Variants in FYCO1 observed in about 807,000 individuals in gnomAD.
FYCO1 encodes the protein FYVE and coiled-coil domain autophagy adaptor 1.
FYCO1 carries 122 observed loss-of-function variants against 165.1 expected under a neutral mutation model. The ratio of observed to expected loss-of-function variants is 0.74; its 90% CI spans 0.64 to 0.86. FYCO1 has a LOEUF of 0.86. Among genes scored for constraint, FYCO1 ranks in the 40% least tolerant of loss-of-function variants. FYCO1 has a pLI of 0.00. For synonymous variants in FYCO1, 648 were observed against 742.5 expected (o/e 0.87, Z 2.07); for missense variants, 1,702 against 1,810.3 (o/e 0.94, Z 1.09).
chr3:45,963,610 T>A (rs1372225758), intron 10 of FYCO1, among the ~76,000 whole-genome samples: 1 of 152,226 alleles, frequency 6.6e-6, no homozygotes, highest in African/African-American at 2.4e-5. Flanking sequence ...GTGGCACACA[T>A]GCAATTCGAT....
At chr3:45,965,870 A>C (rs1705979190) in intron 8 of FYCO1, among the ~76,000 whole-genome samples, 1 of 152,208 alleles carries the variant, frequency 6.6e-6, no homozygotes, top group East Asian at 1.9e-4. Flanking sequence ...CCTCCTTTAA[A>C]GTGGGCAGAC....
Position 45,966,228 on chromosome 3 carries a change from G to A in FYCO1, c.3057+49C>T, listed in dbSNP as rs867325768. The A allele has an allele frequency of 5.6e-6, 9 of 1,594,774 alleles. No homozygotes were observed. The Middle Eastern group carries it at 8.6e-4, about 152-fold the overall frequency. ...GTGCATCTTCCCATGGACCCACCAG[G>A]CCTGCCCAGGGAGAGGGGTAGAGCC... is the stretch of plus-strand genomic sequence containing the variant. On this transcript the variant is annotated intron_variant, in intron 8 of 17. Coordinates refer to ENST00000296137, the MANE Select transcript of FYCO1 (RefSeq NM_024513.4).
chr3:45,959,611 T>C (rs1705575655), intron 11 of FYCO1, 69 bp from the exon 12 acceptor site: 2 of 1,508,604 alleles, frequency 1.3e-6, no homozygotes, highest in Non-Finnish European at 9.1e-7. Context: ...TCCTTCTTCA[T>C]TTCAAAAGAC....
intron 14 of FYCO1, chr3:45,946,837 T>C (rs1704645539): frequency 6.2e-7 from 1 of 1,614,102 alleles, no homozygotes; most frequent in African/African-American, 1.3e-5. Context: ...TCCATGCTCA[T>C]CCTCACCTGC....
At chr3:45,928,626 C>G (rs2125794035) in intron 16 of FYCO1, among the ~76,000 whole-genome samples, 1 of 152,264 alleles carries the variant, frequency 6.6e-6, no homozygotes, top group East Asian at 1.9e-4. Context: ...CTGGATGCTT[C>G]TCCTCAAGCC....
chr3:45,980,668 C>CA (rs1187712121), intron 3 of FYCO1, among the ~76,000 whole-genome samples: 1 of 152,196 alleles, frequency 6.6e-6, no homozygotes. Flanking sequence ...AGTGGGCCCG[C>CA]ATACTACGTG....
At chr3:45,974,448 C>G (rs919209070) in intron 5 of FYCO1, among the ~76,000 whole-genome samples, 1 of 152,304 alleles carries the variant, frequency 6.6e-6, no homozygotes, top group South Asian at 2.1e-4. Flanking sequence ...TTTTTCAGCT[C>G]ACATCAATTC....
chr3:45,969,696 G>A lies in FYCO1; in HGVS notation c.609C>T (p.Ser203=). 1 of 1,614,036 alleles carries A rather than the reference G, an allele frequency of 6.2e-7. No homozygotes were observed. The highest frequency in any genetic ancestry group is 1.1e-5 in the South Asian group (1 of 91,076). Residue 203 remains serine, a synonymous_variant, in exon 7 of 18, where the codon AGC becomes AGT. Transcript: ENST00000296137. ...TTACCTGCAGGTAGCTGCTCACCAA[G>A]CTGCTCATGCTGGAGCTGCGGCTAG... ...KPPSRSSSMS[S]LVSSYLQTQE...
chr3:45,976,352 G>C (rs903338498), intron 4 of FYCO1, among the ~76,000 whole-genome samples: 1 of 152,230 alleles, frequency 6.6e-6, no homozygotes, highest in African/African-American at 2.4e-5. Context: ...TGTCAGCTGG[G>C]AGCATATAAT....
rs746622725 is a variant in FYCO1 at position 45,968,195 on chromosome 3, T to C, written c.1139A>G (p.Asp380Gly). 6.2e-7 allele frequency: 1 copy of C among 1,614,060 alleles called. No homozygotes were observed. The highest frequency in any genetic ancestry group is 8.5e-7 in the Non-Finnish European group (1 of 1,180,040). ...GWLAMAQQKA[D>G]TASDTKGRQE... Reference sequence around the variant, plus strand: ...CCGGCCCTTTGTGTCTGATGCCGTATCTGCCTTCTGCTGAGCCATGGCTAG... The same window carrying C: ...CCGGCCCTTTGTGTCTGATGCCGTACCTGCCTTCTGCTGAGCCATGGCTAG... Residue 380 changes from aspartate (D) to glycine (G), a missense_variant, in exon 8 of 18, where the codon GAT (aspartate) becomes GGT (glycine). Physicochemically the swap from Asp to Gly is moderately conservative, Grantham distance 94 (BLOSUM62 -1). Transcript: ENST00000296137.
chr3:45,979,212 C>T lies in FYCO1; in HGVS notation c.288+493G>A, dbSNP rs570034663. On this transcript the variant is annotated intron_variant, in intron 4 of 17. Coordinates refer to ENST00000296137, the MANE Select transcript of FYCO1 (RefSeq NM_024513.4). ...GCCATGGCATTTTGCTCTTGAGGGGCGCAGAATTTAAAGTAGAAAGTTGGC... is the reference window on the plus strand; with the variant it reads ...GCCATGGCATTTTGCTCTTGAGGGGTGCAGAATTTAAAGTAGAAAGTTGGC... Among the ~76,000 whole-genome samples the T allele has an allele frequency of 2.2e-4, 34 of 152,236 alleles. No homozygotes were observed. In the South Asian group the frequency reaches 4.4e-3, roughly 19 times the overall value.
intron 14 of FYCO1, among the ~76,000 whole-genome samples, chr3:45,940,468 T>C (rs765784672): frequency 6.6e-5 from 10 of 152,178 alleles, no homozygotes; most frequent in Admixed American, 5.2e-4. Flanking sequence ...CAAATGAGCA[T>C]GCATACACCT....
At chr3:45,946,819 T>C (rs1015435859) in intron 14 of FYCO1, 6 of 1,614,194 alleles carry the variant, frequency 3.7e-6, no homozygotes, top group African/African-American at 1.3e-5. Context: ...ACTATTAACT[T>C]CTACACGTCC....
chr3:45,975,360 T>C lies in FYCO1; in HGVS notation c.289-15A>G. The C allele has an allele frequency of 6.3e-7, 1 of 1,588,244 alleles. No homozygotes were observed. The highest frequency in any genetic ancestry group is 8.6e-7 in the Non-Finnish European group (1 of 1,156,486). ...GATGTTCGGAGCTGGAAAAAGCAGA[T>C]TACATAGAGCCAAAGAGCTGTCAGC... is the stretch of plus-strand genomic sequence containing the variant. On this transcript the variant is annotated splice_polypyrimidine_tract_variant and intron_variant, in intron 4 of 17. Coordinates refer to ENST00000296137, the MANE Select transcript of FYCO1 (RefSeq NM_024513.4).
In FYCO1 at chr3:45,964,367, C is replaced by T; in HGVS notation, c.3238G>A (p.Glu1080Lys). ...CQAAMLRKDK[E>K]GAALREDLER... is the part of the protein sequence containing the mutation. ...AGGTCTTCACGCAGGGCAGCCCCCT[C>T]CTTGTCCTTCCTCAGCATGGCCGCC... The change falls in exon 10 of 18, where the codon GAG (glutamate) becomes AAG (lysine). Residue 1080 changes from glutamate (E) to lysine (K), a missense_variant. Transcript: ENST00000296137. The surrounding 1 kb of genome is among the most constrained non-coding windows in gnomAD (Gnocchi z 4.1). The T allele has an allele frequency of 4.3e-6, 7 of 1,614,170 alleles. No individual in the cohort carries two copies. The highest frequency in any genetic ancestry group is 5.1e-6 in the Non-Finnish European group (6 of 1,179,994).
At position 45,959,507 on chromosome 3, in the gene FYCO1, A is replaced by AG. The variant is rs1705570070; in HGVS notation, c.3472dup (p.Leu1158ProfsTer10). 2 of 1,614,020 alleles carry AG rather than the reference A, an allele frequency of 1.2e-6. No homozygotes were observed. Among genetic ancestry groups the AG allele is most frequent in the Non-Finnish European group, 8.5e-7 (1 of 1,180,034 alleles). ...AGCACTGAGCTTCTGCTGGAATTCC[A>AG]GGGCATCTGACTTCTGCCAGAGAGC... On this transcript the variant is annotated frameshift_variant, in exon 12 of 18. Transcript: ENST00000296137. LOFTEE classifies it high-confidence loss of function.
Position 45,973,216 on chromosome 3 carries a change from T to G in FYCO1, c.411A>C (p.Ala137=), listed in dbSNP as rs1325038540. The G allele has an allele frequency of 6.2e-7, 1 of 1,614,188 alleles. No individual in the cohort carries two copies. Among genetic ancestry groups the G allele is most frequent in the Non-Finnish European group, 8.5e-7 (1 of 1,180,016 alleles). ...NTKVTSDWYY[A]RSPFLQPKLS... is the part of the protein sequence containing the mutation. The stretch of plus-strand genomic sequence containing the variant: ...GCTTTGGCTGCAGAAAGGGGCTTCT[T>G]GCATAGTACCAGTCACTGCAGAAAA... Residue 137 remains alanine (A), a synonymous_variant, in exon 6 of 18, where the codon GCA becomes GCC. Coordinates refer to ENST00000296137, the MANE Select transcript of FYCO1 (RefSeq NM_024513.4).
chr3:45,993,539 A>T lies in FYCO1; in HGVS notation c.-113+2183T>A, dbSNP rs1707655832. The stretch of plus-strand genomic sequence containing the variant: ...GCTCTTATACCAATAAAGACTTCTT[A>T]TTTTCTTGAAACTGGCATTGAGCTC... On this transcript the variant is annotated intron_variant, in intron 1 of 17. Transcript: ENST00000296137. The surrounding 1 kb of genome is among the most constrained non-coding windows in gnomAD (Gnocchi z 4.4). Among the ~76,000 whole-genome samples, 1 of 152,162 alleles carries T rather than the reference A, an allele frequency of 6.6e-6. No homozygotes were observed. Among genetic ancestry groups the T allele is most frequent in the Admixed American group, 6.5e-5 (1 of 15,284 alleles).
At position 45,967,184 on chromosome 3, in the gene FYCO1, T is replaced by TCCACCTCCTCCC. The variant is rs1485807443; in HGVS notation, c.2138_2149dup (p.Val716_Glu717insGlyGluGluVal). The TCCACCTCCTCCC allele has an allele frequency of 6.2e-7, 1 of 1,613,806 alleles. No individual in the cohort carries two copies. Among genetic ancestry groups the TCCACCTCCTCCC allele is most frequent in the East Asian group, 2.2e-5 (1 of 44,860 alleles). Reference sequence around the variant, plus strand: ...GGCTTCTGCCAGTTGCTGGCACTGCTCCACCTCCTCCCGCAGCTGCTGACA... The same window carrying TCCACCTCCTCCC: ...GGCTTCTGCCAGTTGCTGGCACTGCTCCACCTCCTCCCCCACCTCCTCCCGCAGCTGCTGACA... On this transcript the variant is annotated inframe_insertion, in exon 8 of 18. Transcript: ENST00000296137.
Sources: allele counts gnomAD v4.1 joint callset (sites outside exome capture counted in the v4.1 genomes callset), GRCh38; gene constraint gnomAD v4.1.1; non-coding constraint Gnocchi (gnomAD v3.1); transcripts MANE v1.5; gene names NCBI Gene and HGNC (gene_info 2026-07-23, HGNC 2026-07-21).